NTRK3: variants seen among roughly 807,000 people sequenced by gnomAD.
NTRK3 encodes the protein neurotrophic receptor tyrosine kinase 3, also known as NT-3 growth factor receptor.
In NTRK3, 24 loss-of-function variants were observed where a neutral mutation model predicts 91.7. That is an observed-to-expected ratio of 0.26 (90% CI 0.19 to 0.37). The LOEUF (loss-of-function observed/expected upper bound fraction) is 0.37, where lower values mean the gene tolerates loss of function less well. Ranked by LOEUF, NTRK3 falls within the 10% of genes least tolerant of loss-of-function variation. The pLI, the probability that NTRK3 is intolerant of heterozygous loss-of-function variation, is 1.00. For synonymous variants in NTRK3, 483 were observed against 404.0 expected (o/e 1.20, Z -2.34); for missense variants, 880 against 1,068.9 (o/e 0.82, Z 2.46).
chr15:88,144,052 AT>A (rs2042642753), intron 6 of NTRK3: 1 of 152,186 alleles, frequency 6.6e-6, no homozygotes, highest in South Asian at 2.1e-4. Context: ...GTATCTTGAG[AT>A]TCAGAATCTA....
chr15:88,055,599 ACT>A (rs1003986955), intron 13 of NTRK3, among the ~76,000 whole-genome samples: 1 of 151,756 alleles, frequency 6.6e-6, no homozygotes, highest in African/African-American at 2.4e-5. Context: ...TCTCCCAATC[ACT>A]CTCTGACATA....
At chr15:88,219,928 T>C (rs2050098319) in intron 3 of NTRK3, among the ~76,000 whole-genome samples, 1 of 152,094 alleles carries the variant, frequency 6.6e-6, no homozygotes, top group African/African-American at 2.4e-5. Flanking sequence ...ACTGAAGAAC[T>C]TGCATCCAAA....
chr15:88,024,838 T>G (rs528468807), intron 14 of NTRK3, among the ~76,000 whole-genome samples: 1 of 152,314 alleles, frequency 6.6e-6, no homozygotes, highest in South Asian at 2.1e-4. Context: ...GCCTTTGAAA[T>G]GCTGTGAAGG....
At chr15:88,155,805 C>CATCTATCTATCTATCTATCTATCT (rs71146401) in intron 5 of NTRK3, among the ~76,000 whole-genome samples, 1 of 150,560 alleles carries the variant, frequency 6.6e-6, no homozygotes, top group Non-Finnish European at 1.5e-5. Flanking sequence ...TGTAATCTAT[C>CATCTATCTATCTATCTATCTATCT]ATCTATCTAT....
chr15:87,927,982 G>C (rs1391469245), intron 17 of NTRK3: 4 of 152,010 alleles, frequency 2.6e-5, no homozygotes, highest in African/African-American at 9.7e-5. Flanking sequence ...TTGTTTTTTT[G>C]TTTTTTTGGT....
chr15:87,947,740 C>T (rs893277176), intron 14 of NTRK3, among the ~76,000 whole-genome samples: 1 of 152,108 alleles, frequency 6.6e-6, no homozygotes, highest in Non-Finnish European at 1.5e-5. Flanking sequence ...CTGTGAGAAG[C>T]GTGTGTTTTC....
At chr15:87,920,376 A>C (rs2141834332) in intron 17 of NTRK3, among the ~76,000 whole-genome samples, 2 of 152,318 alleles carry the variant, frequency 1.3e-5, no homozygotes, top group Non-Finnish European at 2.9e-5. Flanking sequence ...ACCCAGTCCT[A>C]CAGCAGATGC....
chr15:87,878,648 A>G (rs547872234), intron 18 of NTRK3, among the ~76,000 whole-genome samples: 8 of 152,312 alleles, frequency 5.3e-5, no homozygotes, highest in Admixed American at 1.3e-4. Context: ...TTCCATGGAG[A>G]AACCGATGAT....
chr15:87,911,642 T>C (rs1039356077), intron 17 of NTRK3, among the ~76,000 whole-genome samples: 2 of 152,204 alleles, frequency 1.3e-5, no homozygotes, highest in East Asian at 3.9e-4. Flanking sequence ...GCCCACTCAT[T>C]GCACCAAAAT....
At chr15:88,106,242 T>C (rs1567417975) in intron 13 of NTRK3, among the ~76,000 whole-genome samples, 1 of 152,220 alleles carries the variant, frequency 6.6e-6, no homozygotes, top group Non-Finnish European at 1.5e-5. Flanking sequence ...GCTTGGCTTC[T>C]GCCAAGTTCC....
intron 10 of NTRK3, among the ~76,000 whole-genome samples, chr15:88,129,053 A>G (rs1390244160): frequency 6.6e-6 from 1 of 152,216 alleles, no homozygotes; most frequent in Non-Finnish European, 1.5e-5. Context: ...TCTCATTCAC[A>G]GCTCTGCTTT....
intron 5 of NTRK3, among the ~76,000 whole-genome samples, chr15:88,154,315 C>A (rs2043682509): frequency 2.0e-5 from 3 of 152,080 alleles, no homozygotes; most frequent in South Asian, 4.2e-4. Flanking sequence ...TGGGTTGAAG[C>A]AGTGGGAAGG....
At chr15:88,041,167 G>T (rs1195125006) in intron 13 of NTRK3, among the ~76,000 whole-genome samples, 1 of 152,194 alleles carries the variant, frequency 6.6e-6, no homozygotes, top group Non-Finnish European at 1.5e-5. Flanking sequence ...TGCATCTAGG[G>T]ATGGACTGCC....
intron 13 of NTRK3, among the ~76,000 whole-genome samples, chr15:88,122,062 CAG>C (rs914924683): frequency 2.0e-4 from 31 of 152,090 alleles, no homozygotes; most frequent in African/African-American, 7.5e-4. Flanking sequence ...CACATACCGA[CAG>C]AGAGAGATCT....
At chr15:88,129,895 G>A (rs188223927) in intron 10 of NTRK3, among the ~76,000 whole-genome samples, 8 of 152,294 alleles carry the variant, frequency 5.3e-5, no homozygotes, top group Admixed American at 3.9e-4. Flanking sequence ...CTTTAAAGAT[G>A]TATTAAAGTT....
chr15:88,130,280 C>T (rs1188537746), intron 10 of NTRK3, among the ~76,000 whole-genome samples: 3 of 152,098 alleles, frequency 2.0e-5, no homozygotes, highest in Admixed American at 6.5e-5. Context: ...GAATGAAATG[C>T]TCTTCCTTAC....
chr15:88,011,148 C>T (rs2076851154), intron 14 of NTRK3, among the ~76,000 whole-genome samples: 1 of 152,162 alleles, frequency 6.6e-6, no homozygotes, highest in African/African-American at 2.4e-5. Flanking sequence ...CTGGATCCCA[C>T]CCACACACCT....
intron 6 of NTRK3, among the ~76,000 whole-genome samples, chr15:88,142,574 T>C (rs1429895540): frequency 6.6e-6 from 1 of 152,020 alleles, no homozygotes; most frequent in East Asian, 1.9e-4. Flanking sequence ...GGCCAGGCAG[T>C]GGAAAATGAG....
chr15:87,893,769 G>A (rs925848262), intron 17 of NTRK3, among the ~76,000 whole-genome samples: 7 of 152,126 alleles, frequency 4.6e-5, no homozygotes, highest in Non-Finnish European at 7.4e-5. Context: ...TACAGGACAC[G>A]AAGTAACCCA....
Sources: gnomAD v4.1 joint callset for allele counts (sites outside exome capture counted in the v4.1 genomes callset) on GRCh38, gnomAD v4.1.1 for gene constraint, MANE v1.5 for transcripts, NCBI Gene and HGNC (gene_info 2026-07-23, HGNC 2026-07-21) for gene names.